ATP11C: variants seen among roughly 807,000 people sequenced by gnomAD.
ATP11C encodes the protein ATPase phospholipid transporting 11C (ATP11C blood group).
In ATP11C, 36 loss-of-function variants were observed where a neutral mutation model predicts 97.4. That is an observed-to-expected ratio of 0.37 (90% CI 0.28 to 0.49). ATP11C has a LOEUF of 0.49. Among genes scored for constraint, ATP11C ranks in the 20% least tolerant of loss-of-function variants. The pLI, the probability that ATP11C is intolerant of heterozygous loss-of-function variation, is 0.98. For synonymous variants in ATP11C, 275 were observed against 290.9 expected, an observed-to-expected ratio of 0.95 and a Z score of 0.56; for missense variants, 730 against 824.6, an observed-to-expected ratio of 0.89 and a Z score of 1.40.
chrX:139,853,210 G>C (rs987252268), intron 1 of ATP11C, among the ~76,000 whole-genome samples: 1 of 111,525 alleles, frequency 9.0e-6, no homozygotes, highest in Non-Finnish European at 1.9e-5. Flanking sequence ...TCCCCTAGGG[G>C]AAGAGGAAGG....
rs771420831 is a variant in ATP11C at position 139,919,273 on chromosome X, C to T, written c.27+12743G>A. 1.6e-4 allele frequency among the ~76,000 whole-genome samples: 17 copies of T among 108,670 alleles called. No individual in the cohort carries two copies. The Admixed American group carries it at 1.6e-3, about 10-fold the overall frequency. 94.4% of individuals were successfully genotyped at this position (108,670 alleles called of 115,157 possible). On this transcript the variant is annotated intron_variant, in intron 1 of 29. Coordinates refer to ENST00000682941, the MANE Select transcript of ATP11C (RefSeq NM_001353812.2). ...AACACACACATGGCTGGCGTAGTGG[C>T]TCTCACCTATAATCCCAGGAAAACC...
chrX:139,824,564 G>T (rs2083484669), intron 2 of ATP11C, among the ~76,000 whole-genome samples: 1 of 111,170 alleles, frequency 9.0e-6, no homozygotes, highest in South Asian at 3.8e-4. Flanking sequence ...GTGGGCGCCT[G>T]TAGTCCCAGC....
intron 1 of ATP11C, among the ~76,000 whole-genome samples, chrX:139,919,203 ACTG>A (rs1431105511): frequency 7.2e-5 from 8 of 110,627 alleles, no homozygotes; most frequent in African/African-American, 2.6e-4. Context: ...AGATCACACC[ACTG>A]CACTCCAGCC....
intron 7 of ATP11C, among the ~76,000 whole-genome samples, chrX:139,800,738 TTAATA>T (rs1026537572): frequency 8.9e-6 from 1 of 111,911 alleles, no homozygotes; most frequent in African/African-American, 3.2e-5. Context: ...ACCCAATCAC[TTAATA>T]TAATAGGTGT....
intron 24 of ATP11C, among the ~76,000 whole-genome samples, chrX:139,749,401 A>T (rs1009611292): frequency 1.8e-5 from 2 of 112,250 alleles, no homozygotes; most frequent in African/African-American, 6.5e-5. Flanking sequence ...CTATAAATTA[A>T]TATCTTTATC....
At position 139,816,872 on chromosome X, in the gene ATP11C, G is replaced by A. The variant is rs769293803; in HGVS notation, c.309C>T (p.Ala103=). The change falls in exon 4 of 30, where the codon GCC becomes GCT. Residue 103 remains alanine (A), a synonymous_variant. Transcript: ENST00000682941. ...LPLFFVITVT[A]IKQGYEDCLR... ...TAAATAAGAAATTTACCTGCTTGAT[G>A]GCTGTAACAGTTATAACAAAGAAAA... is the stretch of plus-strand genomic sequence containing the variant. 3.3e-6 allele frequency: 4 copies of A among 1,196,426 alleles called. No homozygotes were observed. Among genetic ancestry groups the A allele is most frequent in the Non-Finnish European group, 3.4e-6 (3 of 884,018 alleles).
chrX:139,802,589 A>G (rs1390568876), intron 6 of ATP11C, among the ~76,000 whole-genome samples: 1 of 112,077 alleles, frequency 8.9e-6, no homozygotes, highest in Non-Finnish European at 1.9e-5. Flanking sequence ...TCTTCTTGAC[A>G]TGGACAGCTG....
At chrX:139,779,396 G>C (rs1569451216) in intron 18 of ATP11C, among the ~76,000 whole-genome samples, 1 of 111,888 alleles carries the variant, frequency 8.9e-6, no homozygotes, top group Non-Finnish European at 1.9e-5. Context: ...TCTCAGAACA[G>C]AGTGAAATAA....
chrX:139,893,047 C>T (rs1322565277), intron 1 of ATP11C, among the ~76,000 whole-genome samples: 2 of 111,737 alleles, frequency 1.8e-5, no homozygotes. Context: ...ACATTTACTC[C>T]ACTCACAACT....
chrX:139,875,932 T>C (rs1218333133), intron 1 of ATP11C, among the ~76,000 whole-genome samples: 1 of 112,081 alleles, frequency 8.9e-6, no homozygotes, highest in Non-Finnish European at 1.9e-5. Flanking sequence ...TCAGAAGTTA[T>C]CTGAGACGTT....
chrX:139,922,220 C>CTAAA (rs2085271306), intron 1 of ATP11C, among the ~76,000 whole-genome samples: 2 of 35,564 alleles, frequency 5.6e-5, no homozygotes, highest in African/African-American at 1.7e-4. Context: ...CTCTCCTTCT[C>CTAAA]TAAATATATA....
intron 2 of ATP11C, among the ~76,000 whole-genome samples, chrX:139,820,054 A>G (rs2485731): frequency 0.19 from 20,936 of 110,613 alleles, 3,385 homozygotes; most frequent in African/African-American, 0.52. Flanking sequence ...GGGTGTGGTG[A>G]CGCACACTGT....
intron 1 of ATP11C, among the ~76,000 whole-genome samples, chrX:139,918,463 T>G (rs1332885668): frequency 1.9e-5 from 2 of 104,942 alleles, no homozygotes; most frequent in Non-Finnish European, 3.9e-5. Flanking sequence ...AATACAAAAA[T>G]TAGCTGGGCA....
At chrX:139,912,122 C>G (rs2085085107) in intron 1 of ATP11C, among the ~76,000 whole-genome samples, 1 of 99,281 alleles carries the variant, frequency 1.0e-5, no homozygotes, top group Admixed American at 1.1e-4. Flanking sequence ...GTGCAGTAAG[C>G]CAAGATCACC....
chrX:139,921,055 G>C (rs1181800919), intron 1 of ATP11C, among the ~76,000 whole-genome samples: 1 of 111,663 alleles, frequency 9.0e-6, no homozygotes, highest in African/African-American at 3.3e-5. Flanking sequence ...CTAGGAGGGG[G>C]ATGGTGCCAT....
At chrX:139,765,446 G>A (rs2082117059) in intron 20 of ATP11C, among the ~76,000 whole-genome samples, 1 of 112,043 alleles carries the variant, frequency 8.9e-6, no homozygotes, top group African/African-American at 3.2e-5. Context: ...GTGCAGGAAT[G>A]TATGATATTG....
intron 18 of ATP11C, among the ~76,000 whole-genome samples, chrX:139,779,193 A>T (rs1308191533): frequency 9.0e-6 from 1 of 111,588 alleles, no homozygotes. Flanking sequence ...CAGAAAACTA[A>T]CAAAGAAACT....
chrX:139,922,478 TTG>T (rs760771659), intron 1 of ATP11C, among the ~76,000 whole-genome samples: 1 of 107,294 alleles, frequency 9.3e-6, no homozygotes, highest in African/African-American at 3.4e-5. Context: ...GACAGGATGT[TTG>T]TGTTCCCCTA....
intron 1 of ATP11C, among the ~76,000 whole-genome samples, chrX:139,861,647 G>A (rs2147990088): frequency 9.0e-6 from 1 of 110,747 alleles, no homozygotes; most frequent in South Asian, 3.9e-4. Context: ...CTAAAAAGGA[G>A]CGAAGCCAAA....
Sources: allele counts gnomAD v4.1 joint callset (sites outside exome capture counted in the v4.1 genomes callset), GRCh38; gene constraint gnomAD v4.1.1; transcripts MANE v1.5; gene names NCBI Gene and HGNC (gene_info 2026-07-23, HGNC 2026-07-21).